CADPS2: variants seen among roughly 807,000 people sequenced by gnomAD.
The protein encoded by CADPS2 is calcium-dependent secretion activator 2.
A neutral mutation model predicts 172.5 loss-of-function variants in CADPS2; 93 were observed. The ratio of observed to expected loss-of-function variants is 0.54; its 90% CI spans 0.46 to 0.64. CADPS2 has a LOEUF of 0.64. Ranked by LOEUF, CADPS2 falls within the 30% of genes least tolerant of loss-of-function variation. The pLI is 0.00. For missense variants in CADPS2, 1,420 were observed against 1,565.9 expected (o/e 0.91, Z 1.57); for synonymous variants, 546 against 555.2 (o/e 0.98, Z 0.23).
In CADPS2 at chr7:122,558,956, G is replaced by A. The variant is rs2065371582; in HGVS notation, c.1336-4267C>T. Among the ~76,000 whole-genome samples the A allele has an allele frequency of 2.6e-5, 4 of 152,206 alleles. No individual in the cohort carries two copies. In the South Asian group the frequency reaches 8.3e-4, roughly 32 times the overall value. Reference sequence around the variant, plus strand: ...GGGGGAGACAAGCTAGAAAAACAGAGGGGCTAGACAGACAATTCACTACCT... The same window carrying A: ...GGGGGAGACAAGCTAGAAAAACAGAAGGGCTAGACAGACAATTCACTACCT... On this transcript the variant is annotated intron_variant, in intron 7 of 29. Coordinates refer to ENST00000449022, the MANE Select transcript of CADPS2 (RefSeq NM_017954.11).
intron 2 of CADPS2, among the ~76,000 whole-genome samples, chr7:122,669,665 G>A (rs2081581502): frequency 2.6e-5 from 4 of 151,886 alleles, no homozygotes; most frequent in Admixed American, 1.3e-4. Context: ...TCATAAGGCG[G>A]CTACATTTCC....
At chr7:122,539,765 C>G (rs201480389) in intron 8 of CADPS2, among the ~76,000 whole-genome samples, 46 of 64,270 alleles carry the variant, frequency 7.2e-4, no homozygotes, top group African/African-American at 3.5e-3. Flanking sequence ...CTCTCTGTCT[C>G]TGTCTCTCTC....
chr7:122,523,196 A>G (rs992705066), intron 8 of CADPS2, among the ~76,000 whole-genome samples: 6 of 152,174 alleles, frequency 3.9e-5, no homozygotes, highest in Non-Finnish European at 8.8e-5. Context: ...CCAACAGTAT[A>G]TAAGAGTTCC....
intron 1 of CADPS2, among the ~76,000 whole-genome samples, chr7:122,863,102 T>C (rs1817386026): frequency 6.6e-6 from 1 of 152,210 alleles, no homozygotes; most frequent in South Asian, 2.1e-4. Flanking sequence ...GCATCCTGTA[T>C]TGATAATACA....
chr7:122,351,620 G>T (rs2038658349), intron 27 of CADPS2, among the ~76,000 whole-genome samples: 1 of 151,914 alleles, frequency 6.6e-6, no homozygotes, highest in South Asian at 2.1e-4. Context: ...AGGTACATTT[G>T]ATTCAATCCC....
At chr7:122,626,925 G>T (rs939962131) in intron 4 of CADPS2, among the ~76,000 whole-genome samples, 10 of 152,196 alleles carry the variant, frequency 6.6e-5, no homozygotes, top group African/African-American at 2.4e-4. Flanking sequence ...CTTGGCTGAA[G>T]TACTAAAGTC....
chr7:122,834,750 C>A (rs1228737115), intron 1 of CADPS2, among the ~76,000 whole-genome samples: 1 of 152,168 alleles, frequency 6.6e-6, no homozygotes, highest in East Asian at 1.9e-4. Context: ...GGGCACCTGC[C>A]ATCGCTGAGG....
chr7:122,323,902 T>C (rs1322168028), intron 29 of CADPS2, among the ~76,000 whole-genome samples: 1 of 29,988 alleles, frequency 3.3e-5, no homozygotes, highest in East Asian at 6.5e-4. Flanking sequence ...TATATATATA[T>C]ATATATATAT....
intron 16 of CADPS2, among the ~76,000 whole-genome samples, chr7:122,439,865 C>A (rs1183138603): frequency 6.6e-6 from 1 of 152,016 alleles, no homozygotes; most frequent in East Asian, 1.9e-4. Context: ...CTTCCCATGG[C>A]AACAAACTTT....
chr7:122,460,584 G>A (rs2054321900), intron 14 of CADPS2, among the ~76,000 whole-genome samples: 1 of 151,848 alleles, frequency 6.6e-6, no homozygotes, highest in Non-Finnish European at 1.5e-5. Flanking sequence ...TTAATCTTAA[G>A]TATAAATGTT....
chr7:122,777,471 C>G (rs566340302), intron 1 of CADPS2, among the ~76,000 whole-genome samples: 6 of 152,244 alleles, frequency 3.9e-5, no homozygotes, highest in African/African-American at 1.4e-4. Context: ...TGCAAAGGAG[C>G]CTGGAAAATG....
intron 7 of CADPS2, among the ~76,000 whole-genome samples, chr7:122,558,534 A>C (rs2132119205): frequency 6.6e-6 from 1 of 152,290 alleles, no homozygotes; most frequent in Non-Finnish European, 1.5e-5. Context: ...ACATAAAGCT[A>C]ATGTATCTTC....
intron 25 of CADPS2, among the ~76,000 whole-genome samples, chr7:122,367,451 T>C (rs770360093): frequency 7.3e-5 from 11 of 151,556 alleles, no homozygotes; most frequent in Non-Finnish European, 1.6e-4. Flanking sequence ...TACCCAGAAG[T>C]GATGGAGGCC....
intron 2 of CADPS2, chr7:122,698,833 T>C (rs767408635): frequency 1.9e-6 from 3 of 1,613,700 alleles, no homozygotes; most frequent in Non-Finnish European, 2.5e-6. Flanking sequence ...GCAACAGTTC[T>C]GACTAACAAG....
intron 6 of CADPS2, among the ~76,000 whole-genome samples, chr7:122,588,971 G>A (rs1238042114): frequency 6.6e-6 from 1 of 151,960 alleles, no homozygotes; most frequent in African/African-American, 2.4e-5. Context: ...ATGCCTTCTT[G>A]AGAACTGGGA....
intron 18 of CADPS2, among the ~76,000 whole-genome samples, chr7:122,415,159 A>G (rs1467232592): frequency 6.6e-6 from 1 of 152,248 alleles, no homozygotes; most frequent in Non-Finnish European, 1.5e-5. Flanking sequence ...TACAGGTTTG[A>G]TTAAAACTTA....
Position 122,810,185 on chromosome 7 carries a change from A to G in CADPS2, c.340-73117T>C, listed in dbSNP as rs138680644. ...TAATGGCTTTGCTTCACCTCTAAAA[A>G]TAATTTAGGAAGAAGCATATGATTT... On this transcript the variant is annotated intron_variant, in intron 1 of 29. Transcript: ENST00000449022. Among the ~76,000 whole-genome samples the G allele has an allele frequency of 7.2e-4, 109 of 152,238 alleles. 1 individual carries two copies. The highest frequency in any genetic ancestry group is 1.3e-3 in the Admixed American group (20 of 15,296).
chr7:122,877,219 ATTCTTGATGTATTTTATT>A (rs1821439512), intron 1 of CADPS2, among the ~76,000 whole-genome samples: 1 of 152,226 alleles, frequency 6.6e-6, no homozygotes, highest in African/African-American at 2.4e-5. Flanking sequence ...TTCAGTATCA[ATTCTTGATGTATTTTATT>A]TTCTTAATGT....
chr7:122,813,285 A>C (rs779105173), intron 1 of CADPS2, among the ~76,000 whole-genome samples: 14 of 152,138 alleles, frequency 9.2e-5, no homozygotes, highest in South Asian at 4.1e-4. Context: ...AACATACTTA[A>C]AGCAAAATCA....
Sources: gnomAD v4.1 joint callset for allele counts (sites outside exome capture counted in the v4.1 genomes callset) on GRCh38, gnomAD v4.1.1 for gene constraint, MANE v1.5 for transcripts, NCBI Gene and HGNC (gene_info 2026-07-23, HGNC 2026-07-21) for gene names.